DPP3: variants seen among roughly 807,000 people sequenced by gnomAD.
DPP3 encodes DPP III.
A neutral mutation model predicts 89.8 loss-of-function variants in DPP3; 64 were observed. The ratio of observed to expected loss-of-function variants is 0.71; its 90% CI spans 0.58 to 0.88. The LOEUF is 0.88. DPP3 is among the 40% of genes least tolerant of loss of function. DPP3 has a pLI of 0.00. For missense variants in DPP3, 835 were observed against 972.5 expected, an observed-to-expected ratio of 0.86 and a Z score of 1.88; for synonymous variants, 377 against 404.3, an observed-to-expected ratio of 0.93 and a Z score of 0.81.
intron 12 of DPP3, among the ~76,000 whole-genome samples, chr11:66,494,013 G>A (rs975559397): frequency 5.9e-5 from 9 of 152,164 alleles, no homozygotes; most frequent in African/African-American, 2.2e-4. Flanking sequence ...AGCAGCCCCA[G>A]GACAGACACT....
rs750848483 is a variant in DPP3 at position 66,486,624 on chromosome 11, G to A, written c.445G>A (p.Glu149Lys). The A allele has an allele frequency of 3.8e-6, 6 of 1,583,458 alleles. No individual in the cohort carries two copies. Among genetic ancestry groups the A allele is most frequent in the Non-Finnish European group, 5.2e-6 (6 of 1,164,114 alleles). Residue 149 changes from glutamate (E) to lysine (K), a missense_variant, in exon 4 of 18, where the codon GAG becomes AAG. Transcript: ENST00000531863. ...CAGGGGCCTCTGGCAGACCTGCGGG[G>A]AGCTTATGTTCTCTCTGGAGCCAAG... ...EVRGLWQTCG[E>K]LMFSLEPRLR...
intron 16 of DPP3, 66 bp downstream of exon 16, chr11:66,497,543 G>A: frequency 6.5e-7 from 1 of 1,543,082 alleles, no homozygotes; most frequent in Non-Finnish European, 8.7e-7. Flanking sequence ...AGTGTTACCA[G>A]GCACGGAGAA....
chr11:66,485,383 C>T lies in DPP3; in HGVS notation c.360+121C>T, dbSNP rs911720759. On this transcript the variant is annotated intron_variant, in intron 3 of 17. Transcript: ENST00000531863. ...GCCCTGAGCAGAGCATGGACCCTGT[C>T]GCTTCCACCCTGCATGACTGTGGGT... The T allele has an allele frequency of 1.3e-5, 12 of 938,828 alleles. No individual in the cohort carries two copies. The East Asian group carries it at 1.8e-4, about 14-fold the overall frequency. 58.2% of individuals were successfully genotyped at this position (938,828 alleles called of 1,614,324 possible). A position where few individuals can be genotyped will look rare whatever the true frequency, so the allele number is the denominator to read the frequency against.
rs1278942620 is a variant in DPP3 at position 66,507,769 on chromosome 11, C to T, written c.2042-1310C>T. ...TCTCGGCTCACTGCAACCTCCACCT[C>T]CGGAGTCAAATGATTCTCCGGCCTC... On this transcript the variant is annotated intron_variant, in intron 17 of 17. Coordinates refer to ENST00000531863, the MANE Select transcript of DPP3 (RefSeq NM_130443.4). Among the ~76,000 whole-genome samples the T allele has an allele frequency of 2.7e-5, 4 of 147,738 alleles. No individual in the cohort carries two copies. The East Asian group carries it at 8.0e-4, about 29-fold the overall frequency.
chr11:66,506,232 G>A (rs1194923635), intron 17 of DPP3, among the ~76,000 whole-genome samples: 8 of 151,742 alleles, frequency 5.3e-5, no homozygotes, highest in South Asian at 2.1e-4. Flanking sequence ...GATTACAGGC[G>A]TGAGCCACCA....
intron 1 of DPP3, 97 bp downstream of exon 1, chr11:66,480,562 A>T: frequency 7.5e-7 from 1 of 1,325,084 alleles, no homozygotes; most frequent in Non-Finnish European, 9.9e-7. Flanking sequence ...CTTTCTGCCC[A>T]CTCTCCAGTA....
chr11:66,480,569 A>G, intron 1 of DPP3, 104 bp downstream of exon 1: 1 of 1,302,780 alleles, frequency 7.7e-7, no homozygotes, highest in South Asian at 1.6e-5. Flanking sequence ...CCCACTCTCC[A>G]GTACCCCCTC....
intron 15 of DPP3, among the ~76,000 whole-genome samples, chr11:66,496,927 A>G (rs189504243): frequency 1.3e-5 from 2 of 152,182 alleles, no homozygotes; most frequent in African/African-American, 4.8e-5. Context: ...AGCACAAACA[A>G]GGTTGTGGAG....
In DPP3 at chr11:66,509,419, A is replaced by C; in HGVS notation, c.*168A>C. The C allele has an allele frequency of 3.3e-6, 5 of 1,535,884 alleles. No homozygotes were observed. The highest frequency in any genetic ancestry group is 3.5e-6 in the Non-Finnish European group (4 of 1,146,414). On this transcript the variant is annotated 3_prime_UTR_variant, in exon 18 of 18. Transcript: ENST00000531863. ...CCCCTTCCATTTGTCAGCACTTTCC[A>C]GCCTGCCAATTGCTTCCCCTCTGTG...
chr11:66,495,548 G>T (rs540001484), intron 14 of DPP3, 59 bp downstream of exon 14: 1 of 1,611,772 alleles, frequency 6.2e-7, no homozygotes, highest in African/African-American at 1.3e-5. Context: ...CCCTGGGGGC[G>T]TGGAGGGTGG....
intron 17 of DPP3, among the ~76,000 whole-genome samples, chr11:66,506,537 G>A (rs1855807117): frequency 6.6e-6 from 1 of 152,158 alleles, no homozygotes; most frequent in Non-Finnish European, 1.5e-5. Context: ...TTACAGGCGT[G>A]AGCCACCATG....
In DPP3 at chr11:66,495,378, A is replaced by G. The variant is rs201288479; in HGVS notation, c.1466A>G (p.Tyr489Cys). The change falls in exon 14 of 18, where the codon TAT (tyrosine) becomes TGT (cysteine). Residue 489 changes from tyrosine to cysteine, a missense_variant. Transcript: ENST00000531863. The part of the protein sequence containing the change: ...PETGEQIQSW[Y>C]RSGETWDSKF... Reference sequence around the variant, plus strand: ...CTCCTTTTCCAGATTCAGAGCTGGTATCGGAGCGGGGAGACCTGGGATAGC... The same window carrying G: ...CTCCTTTTCCAGATTCAGAGCTGGTGTCGGAGCGGGGAGACCTGGGATAGC... 6.8e-6 allele frequency: 11 copies of G among 1,613,732 alleles called. No homozygotes were observed. The highest frequency in any genetic ancestry group is 9.3e-6 in the Non-Finnish European group (11 of 1,179,838).
intron 15 of DPP3, among the ~76,000 whole-genome samples, chr11:66,496,566 C>T (rs1855544892): frequency 6.6e-6 from 1 of 152,108 alleles, no homozygotes; most frequent in South Asian, 2.1e-4. Context: ...AGGCATGCAC[C>T]ACCACGCCCA....
At chr11:66,491,463 C>A in intron 7 of DPP3, 31 bp from the exon 8 acceptor site, 3 of 1,596,622 alleles carry the variant, frequency 1.9e-6, no homozygotes, top group Non-Finnish European at 2.6e-6. Flanking sequence ...GGGTGGGTGG[C>A]CCGAGGCTGA....
chr11:66,493,147 G>A lies in DPP3; in HGVS notation c.1264G>A (p.Glu422Lys). ...VLAVAYATQR[E>K]KLTFLEEDDK... ...GGCTGTGGCCTACGCCACGCAGCGG[G>A]AGAAGCTTACCTTTCTGGAGGAGGA... Residue 422 changes from glutamate (E) to lysine (K), a missense_variant, in exon 11 of 18, where the codon GAG becomes AAG. Physicochemically the swap from Glu to Lys is moderately conservative, Grantham distance 56. Transcript: ENST00000531863. 1 of 1,614,052 alleles carries A rather than the reference G, an allele frequency of 6.2e-7. No homozygotes were observed. Among genetic ancestry groups the A allele is most frequent in the Non-Finnish European group, 8.5e-7 (1 of 1,180,034 alleles).
chr11:66,508,817 G>T (rs1304128517), intron 17 of DPP3, among the ~76,000 whole-genome samples: 2 of 152,128 alleles, frequency 1.3e-5, no homozygotes, highest in Non-Finnish European at 2.9e-5. Flanking sequence ...GAGCCACCAT[G>T]CCCAGCCTAA....
At chr11:66,499,003 T>A (rs950272227) in intron 16 of DPP3, among the ~76,000 whole-genome samples, 1 of 151,166 alleles carries the variant, frequency 6.6e-6, no homozygotes, top group African/African-American at 2.4e-5. Context: ...AGAACTAGAT[T>A]CTGTCTCTAA....
At chr11:66,503,069 AGCGAT>A (rs1312867909) in intron 16 of DPP3, among the ~76,000 whole-genome samples, 1 of 151,940 alleles carries the variant, frequency 6.6e-6, no homozygotes, top group African/African-American at 2.4e-5. Context: ...CCTGGGTTCA[AGCGAT>A]TCTCCCACCT....
rs1229906021 is a variant in DPP3, at chr11:66,487,188, G to A, written c.499-80G>A. 14 of 1,403,164 alleles carry A rather than the reference G, an allele frequency of 1.0e-5. No individual in the cohort carries two copies. In the East Asian group the frequency reaches 1.1e-4, roughly 11 times the overall value. 86.9% of individuals were successfully genotyped at this position (1,403,164 alleles called of 1,614,324 possible). A position where few individuals can be genotyped will look rare whatever the true frequency, so the allele number is the denominator to read the frequency against. On this transcript the variant is annotated intron_variant, in intron 4 of 17. Transcript: ENST00000531863. ...GAGGCTGCTGAAAGGAGGGAGGGGC[G>A]GGAAGCCTGGGAATATGACGTCCCT...
Sources: allele counts gnomAD v4.1 joint callset (sites outside exome capture counted in the v4.1 genomes callset), GRCh38; gene constraint gnomAD v4.1.1; transcripts MANE v1.5; gene names NCBI Gene and HGNC (gene_info 2026-07-23, HGNC 2026-07-21).